Variants in CCBE1 observed in about 807,000 individuals in gnomAD.
CCBE1 encodes the protein collagen and calcium binding EGF domains 1, also known as collagen and calcium-binding EGF domain-containing protein 1.
Under a neutral mutation model 50.0 loss-of-function variants are expected in CCBE1, and 37 were observed. The observed-to-expected ratio is 0.74, with a 90% CI of 0.57 to 0.97. The LOEUF (loss-of-function observed/expected upper bound fraction) is 0.97, where lower values mean the gene tolerates loss of function less well. Among genes scored for constraint, CCBE1 ranks in the 50% least tolerant of loss-of-function variants. The pLI is 0.00. For synonymous variants in CCBE1, 234 were observed against 203.7 expected (o/e 1.15, Z -1.27); for missense variants, 538 against 523.8 (o/e 1.03, Z -0.26).
intron 2 of CCBE1, chr18:59,564,115 T>C (rs2052782279): frequency 6.6e-6 from 1 of 152,190 alleles, no homozygotes; most frequent in African/African-American, 2.4e-5. Flanking sequence ...ATAAAGACAA[T>C]CTTTATAACT....
rs202198362 is a variant in CCBE1 at position 59,602,346 on chromosome 18, A to AC, written c.212+94282dup. Among the ~76,000 whole-genome samples, 335 of 152,206 alleles carry AC rather than the reference A, an allele frequency of 2.2e-3. 5 individuals carry two copies. In the East Asian group the frequency reaches 0.032, roughly 14 times the overall value. On this transcript the variant is annotated intron_variant, in intron 2 of 10. Coordinates refer to ENST00000439986, the MANE Select transcript of CCBE1 (RefSeq NM_133459.4). ...GAAGAGAGATCATGAAGTTATACACACTATTATCATCATCATCCTTATGTG... is the reference window on the plus strand; with the variant it reads ...GAAGAGAGATCATGAAGTTATACACACCTATTATCATCATCATCCTTATGTG...
chr18:59,457,337 T>C (rs1001774029), intron 5 of CCBE1, among the ~76,000 whole-genome samples: 2 of 152,142 alleles, frequency 1.3e-5, no homozygotes, highest in Non-Finnish European at 2.9e-5. Flanking sequence ...AGTGAACTGA[T>C]TACCAGCACA....
At chr18:59,657,401 C>A (rs188541060) in intron 2 of CCBE1, among the ~76,000 whole-genome samples, 2 of 152,346 alleles carry the variant, frequency 1.3e-5, no homozygotes, top group Non-Finnish European at 1.5e-5. Flanking sequence ...CGAAGACCAA[C>A]GTCCCTGCCT....
intron 2 of CCBE1, among the ~76,000 whole-genome samples, chr18:59,551,877 G>A (rs1210118619): frequency 1.3e-5 from 2 of 152,200 alleles, no homozygotes; most frequent in Admixed American, 6.5e-5. Flanking sequence ...TCTGCAATAT[G>A]CATTAGGTAT....
chr18:59,489,549 G>A (rs1912992987), intron 2 of CCBE1, among the ~76,000 whole-genome samples: 1 of 152,126 alleles, frequency 6.6e-6, no homozygotes, highest in South Asian at 2.1e-4. Context: ...AAGTAGCTGG[G>A]ATTACTGGGA....
At chr18:59,517,964 A>G (rs538982002) in intron 2 of CCBE1, among the ~76,000 whole-genome samples, 1 of 152,276 alleles carries the variant, frequency 6.6e-6, no homozygotes, top group Non-Finnish European at 1.5e-5. Context: ...GCTGTCTCCT[A>G]TGTCACTGTC....
upstream of CCBE1, chr18:59,697,528 G>T (rs569076338): frequency 7.7e-5 from 59 of 770,574 alleles, no homozygotes; most frequent in Non-Finnish European, 1.2e-4. Context: ...GAGGCTAGGA[G>T]TTGGGGTATC....
chr18:59,640,938 C>G (rs530900057), intron 2 of CCBE1, among the ~76,000 whole-genome samples: 62 of 152,094 alleles, frequency 4.1e-4, no homozygotes, highest in Non-Finnish European at 7.8e-4. Context: ...CAAGCAGATA[C>G]CGTCTCGTAC....
chr18:59,648,176 G>A (rs1287226907), intron 2 of CCBE1, among the ~76,000 whole-genome samples: 1 of 152,358 alleles, frequency 6.6e-6, no homozygotes, highest in East Asian at 1.9e-4. Flanking sequence ...AGCAGAGCAA[G>A]TTAGAAGCCT....
At chr18:59,624,371 G>T (rs962635072) in intron 2 of CCBE1, among the ~76,000 whole-genome samples, 5 of 152,188 alleles carry the variant, frequency 3.3e-5, no homozygotes, top group Non-Finnish European at 5.9e-5. Flanking sequence ...GGGACAGCTG[G>T]GGGGCAGGGA....
At chr18:59,468,540 T>G (rs2143728121) in intron 4 of CCBE1, among the ~76,000 whole-genome samples, 1 of 152,268 alleles carries the variant, frequency 6.6e-6, no homozygotes, top group African/African-American at 2.4e-5. Flanking sequence ...ACAATCCCAT[T>G]GTCTGGCATT....
intron 2 of CCBE1, among the ~76,000 whole-genome samples, chr18:59,658,870 A>C (rs2054242123): frequency 8.6e-6 from 1 of 116,726 alleles, no homozygotes; most frequent in Admixed American, 1.3e-4. Context: ...ACAGAGCAAG[A>C]CTCTGTCTCA....
At chr18:59,549,102 C>CAAAAAAA (rs10661714) in intron 2 of CCBE1, among the ~76,000 whole-genome samples, 19 of 115,780 alleles carry the variant, frequency 1.6e-4, no homozygotes, top group Non-Finnish European at 2.4e-4. Context: ...GACTCCGTCT[C>CAAAAAAA]AAAAAAAAAA....
At chr18:59,534,458 T>C (rs1176624866) in intron 2 of CCBE1, among the ~76,000 whole-genome samples, 1 of 152,218 alleles carries the variant, frequency 6.6e-6, no homozygotes, top group Non-Finnish European at 1.5e-5. Flanking sequence ...TGGGCTGTAA[T>C]ATTACATAAC....
intron 2 of CCBE1, among the ~76,000 whole-genome samples, chr18:59,611,670 A>G (rs992953039): frequency 3.3e-5 from 5 of 152,114 alleles, no homozygotes; most frequent in Non-Finnish European, 4.4e-5. Flanking sequence ...CACTTGAACC[A>G]GGGAGGCTGA....
chr18:59,439,776 C>T lies in CCBE1; in HGVS notation c.816G>A (p.Met272Ile). 1.9e-6 allele frequency: 3 copies of T among 1,614,166 alleles called. No individual in the cohort carries two copies. The South Asian group carries it at 3.3e-5, about 18-fold the overall frequency. The change falls in exon 8 of 11, where the codon ATG (methionine) becomes ATA (isoleucine). Residue 272 changes from methionine to isoleucine, a missense_variant. By Grantham distance (10) the Met-to-Ile change is conservative. Coordinates refer to ENST00000439986, the MANE Select transcript of CCBE1 (RefSeq NM_133459.4). ...GPKGSPGFPG[M>I]PGPPGQPGPR... ...GGCCGGGCTGCCCAGGAGGGCCTGGCATACCGGGGAAGCCTGGGCTTCCCT... is the reference window on the plus strand; with the variant it reads ...GGCCGGGCTGCCCAGGAGGGCCTGGTATACCGGGGAAGCCTGGGCTTCCCT...
chr18:59,604,249 A>G (rs1599054648), intron 2 of CCBE1, among the ~76,000 whole-genome samples: 1 of 152,254 alleles, frequency 6.6e-6, no homozygotes, highest in Non-Finnish European at 1.5e-5. Context: ...TACCCTCTTC[A>G]TAGGTTCAAG....
At chr18:59,459,151 T>A (rs984356939) in intron 5 of CCBE1, 1 of 152,226 alleles carries the variant, frequency 6.6e-6, no homozygotes, top group African/African-American at 2.4e-5. Context: ...CTCATTTTTA[T>A]GTTATTTATT....
intron 2 of CCBE1, among the ~76,000 whole-genome samples, chr18:59,527,377 G>T (rs542984372): frequency 5.3e-5 from 8 of 152,090 alleles, no homozygotes; most frequent in African/African-American, 1.9e-4. Context: ...ATTATTTTGA[G>T]CCTACATGTG....
Sources: gnomAD v4.1 joint callset for allele counts (sites outside exome capture counted in the v4.1 genomes callset) on GRCh38, gnomAD v4.1.1 for gene constraint, MANE v1.5 for transcripts, NCBI Gene and HGNC (gene_info 2026-07-23, HGNC 2026-07-21) for gene names.